Variants in BATF observed in about 807,000 individuals in gnomAD.
BATF encodes the protein basic leucine zipper transcriptional factor ATF-like.
BATF carries 5 observed loss-of-function variants against 13.7 expected under a neutral mutation model. That is an observed-to-expected ratio of 0.36 (90% confidence interval 0.19 to 0.77). The LOEUF is 0.77. Ranked by LOEUF, BATF falls within the 30% of genes least tolerant of loss-of-function variation. The pLI is 0.51. For missense variants in BATF, 124 were observed against 163.0 expected (o/e 0.76, Z 1.30); for synonymous variants, 72 against 67.5 (o/e 1.07, Z -0.33).
intron 2 of BATF, among the ~76,000 whole-genome samples, chr14:75,540,962 C>T (rs1316860862): frequency 1.3e-5 from 2 of 152,142 alleles, no homozygotes; most frequent in Non-Finnish European, 2.9e-5. Flanking sequence ...TGGCGGGCAC[C>T]TGTAACCCCA....
chr14:75,522,822 G>A (rs1887592424), intron 1 of BATF, 77 bp downstream of exon 1: 1 of 1,575,776 alleles, frequency 6.3e-7, no homozygotes. Flanking sequence ...TCCTTGTCCT[G>A]CCCAGGGAGC....
intron 2 of BATF, among the ~76,000 whole-genome samples, chr14:75,539,988 C>A (rs1016987193): frequency 6.6e-6 from 1 of 152,128 alleles, no homozygotes; most frequent in African/African-American, 2.4e-5. Flanking sequence ...AAGCTTCGAA[C>A]GCCACTTAAG....
chr14:75,527,745 C>G (rs1887674506), intron 2 of BATF, among the ~76,000 whole-genome samples: 1 of 152,192 alleles, frequency 6.6e-6, no homozygotes, highest in South Asian at 2.1e-4. Flanking sequence ...CATAGCCACA[C>G]CCCAGCCTCA....
chr14:75,523,657 C>T (rs1048363829), intron 1 of BATF, among the ~76,000 whole-genome samples: 3 of 152,150 alleles, frequency 2.0e-5, no homozygotes, highest in African/African-American at 7.2e-5. Context: ...GACATGTATC[C>T]GTGGGTTAAA....
At chr14:75,531,663 G>A (rs1468508304) in intron 2 of BATF, among the ~76,000 whole-genome samples, 4 of 152,206 alleles carry the variant, frequency 2.6e-5, no homozygotes. Flanking sequence ...TGACAGAAAA[G>A]TCATGAGTAT....
intron 1 of BATF, among the ~76,000 whole-genome samples, chr14:75,523,292 C>T (rs184675820): frequency 8.1e-4 from 123 of 152,010 alleles, no homozygotes; most frequent in African/African-American, 2.9e-3. Context: ...GATCTCTCTA[C>T]TGGGGCACTG....
At position 75,538,620 on chromosome 14, in the gene BATF, G is replaced by A. The variant is rs1169723103; in HGVS notation, c.169-7842G>A. Among the ~76,000 whole-genome samples the A allele has an allele frequency of 4.6e-5, 7 of 152,196 alleles. No homozygotes were observed. The East Asian group carries it at 1.2e-3, about 25-fold the overall frequency. On this transcript the variant is annotated intron_variant, in intron 2 of 2. Transcript: ENST00000286639. ...CCTGATGGCTTAAAACAAAACAAAC[G>A]GCCAGGTGCGGTGGCTCACGCCTGT... is the stretch of plus-strand genomic sequence containing the variant.
intron 1 of BATF, among the ~76,000 whole-genome samples, chr14:75,524,472 G>A (rs990280289): frequency 6.6e-6 from 1 of 152,188 alleles, no homozygotes; most frequent in Non-Finnish European, 1.5e-5. Flanking sequence ...GCGGGGAAGG[G>A]TCTTGGAAAG....
At position 75,522,751 on chromosome 14, in the gene BATF, G is replaced by A; in HGVS notation, c.63+6G>A. 1.2e-6 allele frequency: 2 copies of A among 1,614,178 alleles called. No homozygotes were observed. Among genetic ancestry groups the A allele is most frequent in the Non-Finnish European group, 1.7e-6 (2 of 1,179,992 alleles). ...CTCCTCCCCCTGGCAAACAGGTAGA[G>A]TCCTCCTTTTTCTCTCTCCTACCTT... On this transcript the variant is annotated splice_donor_region_variant and intron_variant, in intron 1 of 2. Coordinates refer to ENST00000286639, the MANE Select transcript of BATF (RefSeq NM_006399.5).
At chr14:75,539,455 A>C (rs1887864973) in intron 2 of BATF, among the ~76,000 whole-genome samples, 2 of 8,574 alleles carry the variant, frequency 2.3e-4, no homozygotes, top group African/African-American at 5.3e-4. Context: ...TTTTTTTAGC[A>C]ATTCTTTTCC....
At chr14:75,526,704 T>C (rs192970184) in intron 2 of BATF, among the ~76,000 whole-genome samples, 138 of 152,356 alleles carry the variant, frequency 9.1e-4, no homozygotes, top group African/African-American at 3.1e-3. Flanking sequence ...CTAACTGTGC[T>C]CAACAGTCTG....
chr14:75,544,694 C>A (rs1215029931), intron 2 of BATF, among the ~76,000 whole-genome samples: 1 of 151,358 alleles, frequency 6.6e-6, no homozygotes, highest in African/African-American at 2.4e-5. Flanking sequence ...CAAATTAATT[C>A]TCATGATATG....
At chr14:75,538,519 G>C (rs1488876489) in intron 2 of BATF, among the ~76,000 whole-genome samples, 1 of 152,166 alleles carries the variant, frequency 6.6e-6, no homozygotes, top group Non-Finnish European at 1.5e-5. Flanking sequence ...AGAATGTGTG[G>C]AGTGAGCAGA....
chr14:75,531,359 G>C (rs1278562997), intron 2 of BATF, among the ~76,000 whole-genome samples: 1 of 152,240 alleles, frequency 6.6e-6, no homozygotes, highest in African/African-American at 2.4e-5. Context: ...AAAGAGAGCT[G>C]AGGTCAATTA....
At position 75,546,458 on chromosome 14, in the gene BATF, A is replaced by G. The variant is rs542808169; in HGVS notation, c.169-4A>G. The G allele has an allele frequency of 3.7e-6, 6 of 1,613,850 alleles. No individual in the cohort carries two copies. The highest frequency in any genetic ancestry group is 1.3e-5 in the African/African-American group (1 of 74,948). On this transcript the variant is annotated splice_polypyrimidine_tract_variant and splice_region_variant and intron_variant, in intron 2 of 2. Coordinates refer to ENST00000286639, the MANE Select transcript of BATF (RefSeq NM_006399.5). ...ACCTCCGGTGCTGATCCCCACCCCT[A>G]CAGGAGAGCGAAGACCTGGAGAAAC...
rs1457740818 is a variant in BATF at position 75,522,476 on chromosome 14, G to A, written c.-207G>A. The A allele has an allele frequency of 5.3e-6, 3 of 569,684 alleles. No homozygotes were observed. The highest frequency in any genetic ancestry group is 9.4e-6 in the Non-Finnish European group (3 of 318,426). 35.3% of individuals were successfully genotyped at this position (569,684 alleles called of 1,614,324 possible). On this transcript the variant is annotated 5_prime_UTR_variant, in exon 1 of 3. Transcript: ENST00000286639. ...AGAGAGCGTGCAAGCCCCAAAGCGA[G>A]CGACATGTCCCTTTGGGGAGCAGTC...
intron 2 of BATF, among the ~76,000 whole-genome samples, chr14:75,541,642 C>A (rs530011985): frequency 1.3e-5 from 2 of 152,072 alleles, no homozygotes; most frequent in Admixed American, 6.5e-5. Flanking sequence ...AACAGGGTAG[C>A]CAAGGACTTA....
At chr14:75,544,978 T>C (rs1030874922) in intron 2 of BATF, among the ~76,000 whole-genome samples, 1 of 152,078 alleles carries the variant, frequency 6.6e-6, no homozygotes, top group Non-Finnish European at 1.5e-5. Context: ...AATTACCAGA[T>C]TGCAATTGTT....
At chr14:75,525,050 G>A in intron 1 of BATF, 34 bp from the exon 2 acceptor site, 1 of 1,563,358 alleles carries the variant, frequency 6.4e-7, no homozygotes. Context: ...GGGAGATGCA[G>A]ACCCATGTAA....
Sources: gnomAD v4.1 joint callset for allele counts (sites outside exome capture counted in the v4.1 genomes callset) on GRCh38, gnomAD v4.1.1 for gene constraint, MANE v1.5 for transcripts, NCBI Gene and HGNC (gene_info 2026-07-23, HGNC 2026-07-21) for gene names.